WIZ: variants seen among roughly 807,000 people sequenced by gnomAD.
WIZ encodes the protein protein Wiz.
A neutral mutation model predicts 140.2 loss-of-function variants in WIZ; 25 were observed. The ratio of observed to expected loss-of-function variants is 0.18; its 90% confidence interval spans 0.13 to 0.25. The LOEUF is 0.25. WIZ is among the 10% of genes least tolerant of loss of function. The pLI is 1.00. For synonymous variants in WIZ, 1,125 were observed against 1,154.3 expected (o/e 0.97, Z 0.51); for missense variants, 2,231 against 2,632.6 (o/e 0.85, Z 3.34).
rs1968875777 is a variant in WIZ, at chr19:15,427,082, C to G, written c.4266G>C (p.Glu1422Asp). Reference sequence around the variant, plus strand: ...CCCCCGGCAGCATCTCCCGCTTGATCTCCACCCGTATTTGTTCAGGCTTCA... The same window carrying G: ...CCCCCGGCAGCATCTCCCGCTTGATGTCCACCCGTATTTGTTCAGGCTTCA... Reference protein sequence around the residue: ...KKLKPEQIRVEIKREMLPGAL... With the variant: ...KKLKPEQIRVDIKREMLPGAL... Residue 1422 changes from glutamate (E) to aspartate (D), a missense_variant, in exon 9 of 13, where the codon GAG becomes GAC. Around this residue, in one of 15 missense-constraint regions of WIZ, gnomAD observed 393 missense variants for 451.7 expected, o/e 0.87. Transcript: ENST00000673675. This position sits in a 1 kb window ranked among gnomAD's most constrained non-coding sequence, Gnocchi z 6.4. The G allele has an allele frequency of 6.2e-7, 1 of 1,614,214 alleles. No homozygotes were observed. The highest frequency in any genetic ancestry group is 8.5e-7 in the Non-Finnish European group (1 of 1,180,020).
chr19:15,430,211 GC>G, intron 6 of WIZ, 122 bp from the exon 7 acceptor site: 1 of 1,369,510 alleles, frequency 7.3e-7, no homozygotes, highest in Non-Finnish European at 9.6e-7. Flanking sequence ...CCTCCGTCAG[GC>G]CCCCCAAACC....
At position 15,427,677 on chromosome 19, in the gene WIZ, G is replaced by C; in HGVS notation, c.3815-144C>G. ...GAGGGCAGGTGCAGGTAAGGGAGTG[G>C]AGGAGCGGGGCTGGGGGCCAGATAC... On this transcript the variant is annotated intron_variant, in intron 8 of 12. Coordinates refer to ENST00000673675, the MANE Select transcript of WIZ (RefSeq NM_001371589.1). This position sits in a 1 kb window ranked among gnomAD's most constrained non-coding sequence, Gnocchi z 6.4. The C allele has an allele frequency of 6.4e-6, 6 of 934,378 alleles. No homozygotes were observed. Among genetic ancestry groups the C allele is most frequent in the Non-Finnish European group, 9.4e-6 (6 of 640,946 alleles). 57.9% of individuals were successfully genotyped at this position (934,378 alleles called of 1,614,324 possible).
At chr19:15,433,168 A>C (rs906818939) in intron 5 of WIZ, 1 of 875,272 alleles carries the variant, frequency 1.1e-6, no homozygotes, top group African/African-American at 1.8e-5. Flanking sequence ...AAAACACCTG[A>C]TCTCCAACCA....
intron 5 of WIZ, chr19:15,436,382 C>G (rs1322877688): frequency 6.3e-6 from 1 of 159,992 alleles, no homozygotes; most frequent in Non-Finnish European, 1.4e-5. Flanking sequence ...TTCACCCTTT[C>G]CAGCTGTGTG....
rs571460315 is a variant in WIZ at position 15,431,193 on chromosome 19, G to C, written c.2741-11C>G. 1.3e-6 allele frequency: 2 copies of C among 1,507,332 alleles called. No homozygotes were observed. The highest frequency in any genetic ancestry group is 5.0e-5 in the East Asian group (2 of 39,818). 93.4% of individuals were successfully genotyped at this position (1,507,332 alleles called of 1,614,324 possible). A position where few individuals can be genotyped will look rare whatever the true frequency, so the allele number is the denominator to read the frequency against. The stretch of plus-strand genomic sequence containing the variant: ...CCTCAGAACCCAGGCCTGTGGGTTG[G>C]GGAGACAGGCTCAGCCCAGACAAAT... On this transcript the variant is annotated splice_polypyrimidine_tract_variant and intron_variant, in intron 5 of 12. Coordinates refer to ENST00000673675, the MANE Select transcript of WIZ (RefSeq NM_001371589.1).
Position 15,428,620 on chromosome 19 carries a change from C to T in WIZ, c.3416-112G>A, listed in dbSNP as rs895570323. Reference sequence around the variant, plus strand: ...TGGCTGCTCAGGCAGTTGGGGGGTCCAAGACTCAGGCCGCAGATTTCTTTT... The same window carrying T: ...TGGCTGCTCAGGCAGTTGGGGGGTCTAAGACTCAGGCCGCAGATTTCTTTT... On this transcript the variant is annotated intron_variant, in intron 7 of 12. Coordinates refer to ENST00000673675, the MANE Select transcript of WIZ (RefSeq NM_001371589.1). The surrounding 1 kb of genome is among the most constrained non-coding windows in gnomAD (Gnocchi z 6.4). 7.8e-6 allele frequency: 10 copies of T among 1,287,506 alleles called. No individual in the cohort carries two copies. The highest frequency in any genetic ancestry group is 1.1e-5 in the Non-Finnish European group (10 of 938,232). 79.8% of individuals were successfully genotyped at this position (1,287,506 alleles called of 1,614,324 possible).
At chr19:15,436,744 C>G in intron 5 of WIZ, 62 bp downstream of exon 5, 2 of 1,460,426 alleles carry the variant, frequency 1.4e-6, no homozygotes, top group Non-Finnish European at 1.8e-6. Context: ...AGCCCCGCCC[C>G]TCCAATGCTC....
chr19:15,448,010 C>G lies in WIZ; in HGVS notation c.205+93G>C, dbSNP rs1230034176. The G allele has an allele frequency of 4.8e-6, 7 of 1,453,398 alleles. No homozygotes were observed. The East Asian group carries it at 1.6e-4, about 33-fold the overall frequency. 90.0% of individuals were successfully genotyped at this position (1,453,398 alleles called of 1,614,324 possible). On this transcript the variant is annotated intron_variant, in intron 2 of 12. Transcript: ENST00000673675. ...GACCCAAGCGGAATCAGCATCCCAG[C>G]TCAGCCGCTGCTGCGCTGGGTGACT... is the stretch of plus-strand genomic sequence containing the variant.
intron 5 of WIZ, 151 bp downstream of exon 5, chr19:15,436,655 G>A: frequency 2.7e-6 from 2 of 741,160 alleles, no homozygotes; most frequent in Non-Finnish European, 4.0e-6. Context: ...AAATAGCAGG[G>A]TGGTTGTAAG....
Position 15,448,161 on chromosome 19 carries a change from G to T in WIZ, c.147C>A (p.Tyr49Ter). The T allele has an allele frequency of 6.2e-7, 1 of 1,613,128 alleles. No homozygotes were observed. The highest frequency in any genetic ancestry group is 8.5e-7 in the Non-Finnish European group (1 of 1,179,410). Residue 49 changes from tyrosine to a stop codon, truncating the protein, a stop_gained, in exon 2 of 13, where the codon TAC (tyrosine) becomes TAA (stop). Coordinates refer to ENST00000673675, the MANE Select transcript of WIZ (RefSeq NM_001371589.1). LOFTEE classifies it high-confidence loss of function. ...GGGGGCCCTCCTTGGTGACAGGCAG[G>T]TAACGGGTGGACCGGAAGATGCCAC... ...GEGGIFRSTR[Y>*]LPVTKEGPRD...
At chr19:15,433,609 G>A (rs1243187354) in intron 5 of WIZ, among the ~76,000 whole-genome samples, 1 of 152,176 alleles carries the variant, frequency 6.6e-6, no homozygotes, top group African/African-American at 2.4e-5. Context: ...CCTCTCATCC[G>A]TAGGCTGATT....
intron 5 of WIZ, among the ~76,000 whole-genome samples, chr19:15,434,939 C>G (rs1391491764): frequency 6.6e-6 from 1 of 152,152 alleles, no homozygotes; most frequent in Middle Eastern, 3.2e-3. Flanking sequence ...ATCCTTAAAA[C>G]AGGGACATGG....
chr19:15,439,288 T>C lies in WIZ; in HGVS notation c.1706A>G (p.His569Arg), dbSNP rs1179055798. Reference sequence around the variant, plus strand: ...TCCGAGAGGCCTCTGGCCCGTGCCATGCAGGAGTGGCTTTGACAGCGGGAA... The same window carrying C: ...TCCGAGAGGCCTCTGGCCCGTGCCACGCAGGAGTGGCTTTGACAGCGGGAA... ...RDFPLSKPLL[H>R]GTGQRPLGRL... The change falls in exon 4 of 13, where the codon CAT (histidine) becomes CGT (arginine). Residue 569 changes from histidine (H) to arginine (R), a missense_variant. By Grantham distance (29) the His-to-Arg change is conservative. Coordinates refer to ENST00000673675, the MANE Select transcript of WIZ (RefSeq NM_001371589.1). The surrounding 1 kb of genome is among the most constrained non-coding windows in gnomAD (Gnocchi z 7.0). 1.3e-6 allele frequency: 2 copies of C among 1,535,342 alleles called. No homozygotes were observed. Among genetic ancestry groups the C allele is most frequent in the Admixed American group, 3.9e-5 (2 of 50,896 alleles).
At position 15,448,327 on chromosome 19, in the gene WIZ, T is replaced by C; in HGVS notation, c.-20A>G. 2 of 1,609,446 alleles carry C rather than the reference T, an allele frequency of 1.2e-6. No individual in the cohort carries two copies. Among genetic ancestry groups the C allele is most frequent in the East Asian group, 2.2e-5 (1 of 44,870 alleles). ...CTCCATCGGATTTTCTCTGCTTGGATCCACTCAGCTGCTGCACCGGCTCAG... is the reference window on the plus strand; with the variant it reads ...CTCCATCGGATTTTCTCTGCTTGGACCCACTCAGCTGCTGCACCGGCTCAG... On this transcript the variant is annotated 5_prime_UTR_variant, in exon 2 of 13. Transcript: ENST00000673675.
At position 15,427,144 on chromosome 19, in the gene WIZ, A is replaced by C; in HGVS notation, c.4204T>G (p.Phe1402Val). Reference sequence around the variant, plus strand: ...AAGGAGGGTGCAGCCAGGCCTGGGAACATCTTTCGGGCCGTAGGAGGAGGA... The same window carrying C: ...AAGGAGGGTGCAGCCAGGCCTGGGACCATCTTTCGGGCCGTAGGAGGAGGA... ...ASPPPTARKM[F>V]PGLAAPSLPK... Residue 1402 changes from phenylalanine (F) to valine (V), a missense_variant, in exon 9 of 13, where the codon TTC (phenylalanine) becomes GTC (valine). By Grantham distance (50) the Phe-to-Val change is conservative (BLOSUM62 -1). This residue lies in a region of WIZ where 393 missense variants were observed against 451.7 expected (regional missense o/e 0.87). Coordinates refer to ENST00000673675, the MANE Select transcript of WIZ (RefSeq NM_001371589.1). This position sits in a 1 kb window ranked among gnomAD's most constrained non-coding sequence, Gnocchi z 6.4. 1 of 1,614,192 alleles carries C rather than the reference A, an allele frequency of 6.2e-7. No individual in the cohort carries two copies. Among genetic ancestry groups the C allele is most frequent in the Non-Finnish European group, 8.5e-7 (1 of 1,180,022 alleles).
chr19:15,441,972 A>T (rs922888683), intron 3 of WIZ, among the ~76,000 whole-genome samples: 3 of 152,152 alleles, frequency 2.0e-5, no homozygotes, highest in African/African-American at 7.2e-5. Flanking sequence ...GGATCACCTG[A>T]GATCAGGAGT....
Position 15,422,701 on chromosome 19 carries a change from C to T in WIZ, c.*375G>A, listed in dbSNP as rs529261756. ...TCATGGGGGAGAGAGGGAACCAGAACAGGGGTCTTTGGGGTCTTTGCAAAT... is the reference window on the plus strand; with the variant it reads ...TCATGGGGGAGAGAGGGAACCAGAATAGGGGTCTTTGGGGTCTTTGCAAAT... On this transcript the variant is annotated 3_prime_UTR_variant, in exon 13 of 13. Coordinates refer to ENST00000673675, the MANE Select transcript of WIZ (RefSeq NM_001371589.1). 2 of 277,134 alleles carry T rather than the reference C, an allele frequency of 7.2e-6. No homozygotes were observed. Among genetic ancestry groups the T allele is most frequent in the Admixed American group, 9.9e-5 (2 of 20,276 alleles). 17.2% of individuals were successfully genotyped at this position (277,134 alleles called of 1,614,324 possible).
rs1968324805 is a variant in WIZ at position 15,420,385 on chromosome 19, GC to G, written c.*2690del. 1 of 152,210 alleles carries G rather than the reference GC, an allele frequency of 6.6e-6. No individual in the cohort carries two copies. Among genetic ancestry groups the G allele is most frequent in the Non-Finnish European group, 1.5e-5 (1 of 68,038 alleles). 9.4% of individuals were successfully genotyped at this position (152,210 alleles called of 1,614,324 possible). ...TAAGTGAGCAAACTCCAAACATGAA[GC>G]AGAGATCTGACGGATAAGCACTCTG... On this transcript the variant is annotated 3_prime_UTR_variant, in exon 13 of 13. Transcript: ENST00000673675.
intron 5 of WIZ, among the ~76,000 whole-genome samples, chr19:15,434,278 AG>A (rs1309029019): frequency 6.0e-5 from 8 of 134,136 alleles, no homozygotes; most frequent in South Asian, 2.5e-4. Flanking sequence ...AAAAAAAAAA[AG>A]GGCCAGGCGT....
Sources: allele counts gnomAD v4.1 joint callset (sites outside exome capture counted in the v4.1 genomes callset), GRCh38; gene constraint gnomAD v4.1.1; regional missense constraint gnomAD v4.1.1; non-coding constraint Gnocchi (gnomAD v3.1); transcripts MANE v1.5; gene names NCBI Gene and HGNC (gene_info 2026-07-23, HGNC 2026-07-21).